The following ARHGEF11 variants were observed in gnomAD, a reference collection of about 807,000 sequenced individuals.
ARHGEF11 encodes Rho guanine exchange factor (GEF) 11.
A neutral mutation model predicts 193.7 loss-of-function variants in ARHGEF11; 55 were observed. The ratio of observed to expected loss-of-function variants is 0.28; its 90% CI spans 0.23 to 0.36. The LOEUF (loss-of-function observed/expected upper bound fraction) is 0.36. ARHGEF11 is among the 10% of genes least tolerant of loss of function. ARHGEF11 has a pLI of 1.00. For missense variants in ARHGEF11, 1,723 were observed against 2,005.6 expected (o/e 0.86, Z 2.69); for synonymous variants, 693 against 768.0 (o/e 0.90, Z 1.62).
chr1:156,996,261 A>G (rs1416814875), intron 1 of ARHGEF11, among the ~76,000 whole-genome samples: 1 of 152,198 alleles, frequency 6.6e-6, no homozygotes, highest in Non-Finnish European at 1.5e-5. Context: ...AGCATCAACT[A>G]AATAAGAAAC....
chr1:156,959,140 A>G lies in ARHGEF11; in HGVS notation c.1285T>C (p.Ser429Pro), dbSNP rs1349277296. ...IPEMLQAEID[S>P]RLRNSEDARG... ...GCATCTTCGCTGTTCCGCAGGCGCG[A>G]GTCTGTAGTGGGAGATCAGAGAAAG... is the stretch of plus-strand genomic sequence containing the variant. Residue 429 changes from serine (S) to proline (P), a missense_variant and splice_region_variant, in exon 16 of 41, where the codon TCG (serine) becomes CCG (proline). Physicochemically the swap from Ser to Pro is moderately conservative, Grantham distance 74. Coordinates refer to ENST00000368194, the MANE Select transcript of ARHGEF11 (RefSeq NM_198236.3). The G allele has an allele frequency of 6.2e-7, 1 of 1,613,822 alleles. No homozygotes were observed. Among genetic ancestry groups the G allele is most frequent in the African/African-American group, 1.3e-5 (1 of 74,882 alleles).
chr1:156,947,465 T>C lies in ARHGEF11; in HGVS notation c.2342-15A>G, dbSNP rs1190440633. 42 of 1,580,496 alleles carry C rather than the reference T, an allele frequency of 2.7e-5. No homozygotes were observed. The highest frequency in any genetic ancestry group is 3.6e-5 in the Non-Finnish European group (42 of 1,165,968). On this transcript the variant is annotated splice_polypyrimidine_tract_variant and intron_variant, in intron 25 of 40. Coordinates refer to ENST00000368194, the MANE Select transcript of ARHGEF11 (RefSeq NM_198236.3). Reference sequence around the variant, plus strand: ...CACAAACAGCTCTGAGCGGTGGTTGTGACAAGGAGGGTAGAAAGCCAGGGA... The same window carrying C: ...CACAAACAGCTCTGAGCGGTGGTTGCGACAAGGAGGGTAGAAAGCCAGGGA...
At position 157,045,340 on chromosome 1, in the gene ARHGEF11, G is replaced by A. The variant is rs1673208216; in HGVS notation, c.-1010C>T. 1.3e-5 allele frequency: 2 copies of A among 152,316 alleles called. No individual in the cohort carries two copies. Among genetic ancestry groups the A allele is most frequent in the East Asian group, 1.9e-4 (1 of 5,184 alleles). The allele number at this position is 152,316 out of a possible 1,614,324, so 9.4% of individuals were successfully genotyped here. On this transcript the variant is annotated 5_prime_UTR_variant, in exon 1 of 41. Transcript: ENST00000368194. ...CATCCAGGCTCCGAAATTTTCTCTTGCCTCAGCCTCCATGAAACGGAGATT... is the reference window on the plus strand; with the variant it reads ...CATCCAGGCTCCGAAATTTTCTCTTACCTCAGCCTCCATGAAACGGAGATT...
At chr1:156,999,990 G>A (rs1272271818) in intron 1 of ARHGEF11, among the ~76,000 whole-genome samples, 1 of 152,190 alleles carries the variant, frequency 6.6e-6, no homozygotes, top group Non-Finnish European at 1.5e-5. Context: ...TTTTGAGACA[G>A]TCACACTCTA....
intron 31 of ARHGEF11, 68 bp from the exon 32 acceptor site, chr1:156,944,170 G>T: frequency 6.4e-7 from 1 of 1,560,264 alleles, no homozygotes; most frequent in Non-Finnish European, 8.7e-7. Context: ...ACAATGCAGG[G>T]CCACAGGCTC....
intron 40 of ARHGEF11, 68 bp from the exon 41 acceptor site, chr1:156,936,126 G>C (rs773707550): frequency 1.3e-6 from 2 of 1,495,470 alleles, no homozygotes; most frequent in African/African-American, 1.4e-5. Context: ...GTTTTGTCTA[G>C]AAAGTTCAGG....
In ARHGEF11 at chr1:156,939,541, A is replaced by C. The variant is rs771432445; in HGVS notation, c.4096+7T>G. 1.2e-6 allele frequency: 2 copies of C among 1,609,326 alleles called. No homozygotes were observed. The highest frequency in any genetic ancestry group is 8.5e-7 in the Non-Finnish European group (1 of 1,179,964). On this transcript the variant is annotated splice_region_variant and intron_variant, in intron 37 of 40. Coordinates refer to ENST00000368194, the MANE Select transcript of ARHGEF11 (RefSeq NM_198236.3). ...GTCTCCCCACTGGACACTCCCATTTATTTTACCTTTTCTCACAACTTTGTA... is the reference window on the plus strand; with the variant it reads ...GTCTCCCCACTGGACACTCCCATTTCTTTTACCTTTTCTCACAACTTTGTA...
intron 19 of ARHGEF11, among the ~76,000 whole-genome samples, chr1:156,956,204 A>G (rs1024560845): frequency 6.6e-6 from 1 of 151,844 alleles, no homozygotes; most frequent in African/African-American, 2.4e-5. Context: ...GCAACCTCCA[A>G]TTCCCGGGTT....
intron 1 of ARHGEF11, among the ~76,000 whole-genome samples, chr1:157,026,826 C>G (rs1441982878): frequency 1.3e-5 from 2 of 152,196 alleles, no homozygotes; most frequent in Non-Finnish European, 2.9e-5. Flanking sequence ...ATGGATCTAT[C>G]CTGACCCACT....
intron 15 of ARHGEF11, 27 bp downstream of exon 15, chr1:156,960,391 G>A: frequency 6.2e-7 from 1 of 1,613,022 alleles, no homozygotes; most frequent in Non-Finnish European, 8.5e-7. Flanking sequence ...ACCAAGAAGA[G>A]ACTTACCGAC....
chr1:156,973,010 G>A (rs187737249), intron 7 of ARHGEF11, among the ~76,000 whole-genome samples: 61 of 152,162 alleles, frequency 4.0e-4, no homozygotes, highest in Non-Finnish European at 5.4e-4. Context: ...TCAAGCCACT[G>A]CCCCATTTGT....
intron 25 of ARHGEF11, 103 bp downstream of exon 25, chr1:156,947,666 G>A (rs1018566703): frequency 2.0e-6 from 3 of 1,463,756 alleles, no homozygotes; most frequent in Non-Finnish European, 2.8e-6. Flanking sequence ...GCACACAGGG[G>A]CCCCCCACCC....
chr1:156,936,333 T>G, intron 40 of ARHGEF11: 3 of 597,802 alleles, frequency 5.0e-6, no homozygotes, highest in Non-Finnish European at 9.7e-6. Flanking sequence ...CTGAATCATT[T>G]AATCAGCACG....
At chr1:157,009,932 G>A (rs1045976026) in intron 1 of ARHGEF11, among the ~76,000 whole-genome samples, 2 of 152,078 alleles carry the variant, frequency 1.3e-5, no homozygotes, top group Non-Finnish European at 2.9e-5. Flanking sequence ...CTGCTGCCTG[G>A]AGCACCTATC....
At chr1:156,986,037 C>A in intron 2 of ARHGEF11, 45 bp downstream of exon 2, 1 of 1,494,154 alleles carries the variant, frequency 6.7e-7, no homozygotes. Context: ...AGGCATGTGC[C>A]ACCATGCCTG....
intron 7 of ARHGEF11, 119 bp from the exon 8 acceptor site, chr1:156,971,935 A>G: frequency 7.9e-7 from 1 of 1,270,954 alleles, no homozygotes; most frequent in Middle Eastern, 2.8e-4. Context: ...ATGAGAGAGA[A>G]GAGGTCTCTG....
intron 10 of ARHGEF11, among the ~76,000 whole-genome samples, chr1:156,968,341 T>C (rs1009974732): frequency 1.2e-4 from 18 of 152,208 alleles, no homozygotes; most frequent in Non-Finnish European, 2.9e-5. Context: ...ATTCGTCCCA[T>C]TTTCACACAA....
At chr1:157,007,899 G>GTTTTTTTTTTTTTTT (rs11290114) in intron 1 of ARHGEF11, among the ~76,000 whole-genome samples, 1 of 128,968 alleles carries the variant, frequency 7.8e-6, no homozygotes, top group Non-Finnish European at 1.6e-5. Context: ...GAAGGCAAAG[G>GTTTTTTTTTTTTTTT]TTTTTTTTTT....
intron 1 of ARHGEF11, among the ~76,000 whole-genome samples, chr1:157,011,123 T>A (rs1668488408): frequency 6.6e-6 from 1 of 152,206 alleles, no homozygotes; most frequent in Non-Finnish European, 1.5e-5. Context: ...CAAGTCAGTA[T>A]GCGACTGGCA....
Sources: allele counts gnomAD v4.1 joint callset (sites outside exome capture counted in the v4.1 genomes callset), GRCh38; gene constraint gnomAD v4.1.1; transcripts MANE v1.5; gene names NCBI Gene and HGNC (gene_info 2026-07-23, HGNC 2026-07-21).